The following DIAPH3 variants were observed in gnomAD, a reference collection of about 807,000 sequenced individuals.
DIAPH3 encodes diaphanous related formin 3, also known as protein diaphanous homolog 3.
A neutral mutation model predicts 144.3 loss-of-function variants in DIAPH3; 117 were observed. The observed-to-expected ratio is 0.81, with a 90% CI of 0.70 to 0.95. The LOEUF (loss-of-function observed/expected upper bound fraction) is 0.95. DIAPH3 is among the 40% of genes least tolerant of loss of function. The probability of loss-of-function intolerance (pLI) is 0.00; values close to 1 mark genes in which losing one functional copy is unlikely to be tolerated. For synonymous variants in DIAPH3, 519 were observed against 488.9 expected (o/e 1.06, Z -0.81); for missense variants, 1,421 against 1,412.7 (o/e 1.01, Z -0.09).
intron 5 of DIAPH3, among the ~76,000 whole-genome samples, chr13:60,038,114 T>C (rs1163588978): frequency 6.6e-6 from 1 of 151,778 alleles, no homozygotes; most frequent in Non-Finnish European, 1.5e-5. Context: ...CACAGAATAG[T>C]AGGGGGAAGG....
chr13:59,977,131 A>G (rs2050723136), intron 14 of DIAPH3, among the ~76,000 whole-genome samples: 1 of 151,828 alleles, frequency 6.6e-6, no homozygotes, highest in South Asian at 2.1e-4. Context: ...ACAGTTAAAC[A>G]GAATATGGTC....
chr13:60,074,380 C>T (rs1005507652), intron 4 of DIAPH3, among the ~76,000 whole-genome samples: 2 of 152,128 alleles, frequency 1.3e-5, no homozygotes, highest in South Asian at 2.1e-4. Context: ...AATCAAGGAG[C>T]AGTCATTTAT....
intron 24 of DIAPH3, among the ~76,000 whole-genome samples, chr13:59,829,265 G>A (rs2041642480): frequency 1.3e-5 from 2 of 151,886 alleles, no homozygotes; most frequent in African/African-American, 4.8e-5. Context: ...CAAACCAAAC[G>A]ATTGTTCCAA....
In DIAPH3 at chr13:59,841,487, T is replaced by C. The variant is rs545508922; in HGVS notation, c.2738-2039A>G. 2.6e-5 allele frequency among the ~76,000 whole-genome samples: 4 copies of C among 151,634 alleles called. No homozygotes were observed. In the South Asian group the frequency reaches 6.3e-4, roughly 24 times the overall value. Reference sequence around the variant, plus strand: ...CATGTGCCTGTAGTCCCAGCTAATATGGAGGCTGAGGTGGGAAAATTGCTT... The same window carrying C: ...CATGTGCCTGTAGTCCCAGCTAATACGGAGGCTGAGGTGGGAAAATTGCTT... On this transcript the variant is annotated intron_variant, in intron 22 of 27. Transcript: ENST00000400324.
At chr13:59,676,189 T>TA (rs2032639528) in intron 27 of DIAPH3, among the ~76,000 whole-genome samples, 1 of 152,236 alleles carries the variant, frequency 6.6e-6, no homozygotes, top group Non-Finnish European at 1.5e-5. Flanking sequence ...ACCTAGCCAA[T>TA]GCTCGAATTA....
At chr13:59,864,452 G>A (rs2043794384) in intron 21 of DIAPH3, among the ~76,000 whole-genome samples, 1 of 151,966 alleles carries the variant, frequency 6.6e-6, no homozygotes, top group Non-Finnish European at 1.5e-5. Flanking sequence ...CACCCTTGTA[G>A]ACTGTTTGGA....
At chr13:59,842,227 A>C (rs2042390059) in intron 22 of DIAPH3, among the ~76,000 whole-genome samples, 1 of 151,942 alleles carries the variant, frequency 6.6e-6, no homozygotes, top group Non-Finnish European at 1.5e-5. Context: ...TTTATTTTTA[A>C]GTACTATATA....
At chr13:60,036,455 TTAAA>T (rs1411799282) in intron 5 of DIAPH3, among the ~76,000 whole-genome samples, 1 of 152,028 alleles carries the variant, frequency 6.6e-6, no homozygotes, top group Non-Finnish European at 1.5e-5. Context: ...TTAACTAAAT[TTAAA>T]TAGCCACAGG....
At chr13:60,133,794 C>G (rs2059201424) in intron 1 of DIAPH3, among the ~76,000 whole-genome samples, 2 of 152,112 alleles carry the variant, frequency 1.3e-5, no homozygotes, top group South Asian at 2.1e-4. Context: ...GAATCAATTA[C>G]CAATTCTCCT....
chr13:60,121,504 G>A (rs540901816), intron 2 of DIAPH3, among the ~76,000 whole-genome samples: 24 of 152,288 alleles, frequency 1.6e-4, no homozygotes, highest in South Asian at 1.0e-3. Flanking sequence ...CCACCAACAA[G>A]GAGGAACCAA....
At chr13:59,766,442 T>G (rs2037861856) in intron 27 of DIAPH3, among the ~76,000 whole-genome samples, 1 of 152,112 alleles carries the variant, frequency 6.6e-6, no homozygotes, top group Admixed American at 6.5e-5. Flanking sequence ...AAGGAAGAGA[T>G]CTTATCTCCT....
At chr13:59,958,849 G>C in intron 17 of DIAPH3, among the ~76,000 whole-genome samples, 1 of 143,236 alleles carries the variant, frequency 7.0e-6, no homozygotes, top group Non-Finnish European at 1.5e-5. Flanking sequence ...ACTTGATATA[G>C]ATCTAAACTT....
chr13:59,885,184 CAA>C (rs2045353634), intron 20 of DIAPH3, among the ~76,000 whole-genome samples: 1 of 151,998 alleles, frequency 6.6e-6, no homozygotes, highest in African/African-American at 2.4e-5. Context: ...AGCTAAAGAA[CAA>C]AGAGACTTCC....
At chr13:59,851,835 G>T (rs2139858232) in intron 22 of DIAPH3, among the ~76,000 whole-genome samples, 1 of 152,148 alleles carries the variant, frequency 6.6e-6, no homozygotes, top group East Asian at 1.9e-4. Context: ...GGCCAGGATG[G>T]TCTCAATCTC....
At chr13:59,890,163 C>A (rs568782948) in intron 20 of DIAPH3, among the ~76,000 whole-genome samples, 9 of 152,206 alleles carry the variant, frequency 5.9e-5, no homozygotes, top group African/African-American at 2.2e-4. Context: ...GGCACAGACA[C>A]AAGGGAGATA....
intron 1 of DIAPH3, among the ~76,000 whole-genome samples, chr13:60,162,809 TCA>T (rs35687460): frequency 0.17 from 21,013 of 121,214 alleles, 1,701 homozygotes; most frequent in Middle Eastern, 0.22. Flanking sequence ...TCTCTCTCTC[TCA>T]CACACACACA....
chr13:60,101,708 C>A (rs1233183229), intron 3 of DIAPH3, among the ~76,000 whole-genome samples: 1 of 152,114 alleles, frequency 6.6e-6, no homozygotes, highest in Non-Finnish European at 1.5e-5. Flanking sequence ...TCCTAATGAC[C>A]ACACCTGGAC....
chr13:60,017,985 C>T (rs997151604), intron 5 of DIAPH3, among the ~76,000 whole-genome samples: 5 of 152,106 alleles, frequency 3.3e-5, no homozygotes, highest in South Asian at 2.1e-4. Flanking sequence ...TAACTGTTTG[C>T]CTTGTTGACA....
chr13:59,823,690 T>C (rs759592068), intron 24 of DIAPH3, among the ~76,000 whole-genome samples: 3 of 152,170 alleles, frequency 2.0e-5, no homozygotes, highest in Non-Finnish European at 4.4e-5. Flanking sequence ...TGTTTTGACA[T>C]TCCTTTTGAT....
Sources: gnomAD v4.1 joint callset for allele counts (sites outside exome capture counted in the v4.1 genomes callset) on GRCh38, gnomAD v4.1.1 for gene constraint, MANE v1.5 for transcripts, NCBI Gene and HGNC (gene_info 2026-07-23, HGNC 2026-07-21) for gene names.